Variants in RGPD2 observed in about 807,000 individuals in gnomAD.
The protein encoded by RGPD2 is RANBP2 like and GRIP domain containing 2.
Under a neutral mutation model 36.0 loss-of-function variants are expected in RGPD2, and 2 were observed. That is an observed-to-expected ratio of 0.06 (90% CI 0.02 to 0.17). RGPD2 has a LOEUF of 0.17. RGPD2 is among the 10% of genes least tolerant of loss of function. The pLI is 1.00. For synonymous variants in RGPD2, 19 were observed against 163.8 expected (o/e 0.12, Z 6.75); for missense variants, 40 against 464.3 (o/e 0.09, Z 8.40).
At chr2:87,824,014 TA>T (rs1289197544) in intron 1 of RGPD2, among the ~76,000 whole-genome samples, 1 of 140,776 alleles carries the variant, frequency 7.1e-6, no homozygotes, top group Non-Finnish European at 1.5e-5. Context: ...GAAAGAATTA[TA>T]TATTTTTTTA....
At chr2:87,986,159 A>G in the RGPD2 span, among the ~76,000 whole-genome samples, 111,952 of 124,110 alleles carry the variant, frequency 0.9, 50,906 homozygotes, top group East Asian at 0.99. Flanking sequence ...TTTTTGAGAG[A>G]GTGTCTCGCT....
At chr2:87,915,383 T>TAGTATATA in the RGPD2 span, among the ~76,000 whole-genome samples, 2 of 120,744 alleles carry the variant, frequency 1.7e-5, no homozygotes, top group Non-Finnish European at 3.5e-5. Flanking sequence ...ATTATATATA[T>TAGTATATA]TGTATATATA....
intron 1 of RGPD2, among the ~76,000 whole-genome samples, 179 bp downstream of exon 1, chr2:87,825,476 TCGC>T (rs1298767134): frequency 1.1e-4 from 4 of 37,154 alleles, no homozygotes; most frequent in African/African-American, 1.9e-4. Context: ...GAGGCCGCCG[TCGC>T]CGCCGCCGCC....
the RGPD2 span, among the ~76,000 whole-genome samples, chr2:87,857,499 C>A: frequency 2.6e-5 from 4 of 151,396 alleles, no homozygotes. Context: ...CCCGCCTCCA[C>A]GCCTGGCTAA....
the RGPD2 span, among the ~76,000 whole-genome samples, chr2:87,988,346 A>G: frequency 6.1e-5 from 8 of 131,674 alleles, no homozygotes; most frequent in Non-Finnish European, 1.3e-4. Context: ...TATTCAATTA[A>G]GGCAATTAGG....
At chr2:87,931,018 A>C in the RGPD2 span, among the ~76,000 whole-genome samples, 2 of 60,576 alleles carry the variant, frequency 3.3e-5, no homozygotes, top group African/African-American at 6.8e-5. Context: ...TTTTTCAAAA[A>C]ACAAGCTCCT....
chr2:87,948,349 A>G, the RGPD2 span, among the ~76,000 whole-genome samples: 11 of 151,302 alleles, frequency 7.3e-5, no homozygotes, highest in Non-Finnish European at 1.5e-4. Context: ...ATCGTTATTG[A>G]TATTATTATA....
At chr2:87,921,871 G>A in the RGPD2 span, among the ~76,000 whole-genome samples, 3 of 152,012 alleles carry the variant, frequency 2.0e-5, no homozygotes, top group African/African-American at 7.3e-5. Flanking sequence ...TGGAAGCCTG[G>A]AGGCATTTTC....
chr2:87,840,583 A>G, the RGPD2 span, among the ~76,000 whole-genome samples: 1 of 152,126 alleles, frequency 6.6e-6, no homozygotes, highest in Non-Finnish European at 1.5e-5. Context: ...TGCATGTAGT[A>G]TGATGTCCTT....
chr2:87,971,432 C>CGT, the RGPD2 span, among the ~76,000 whole-genome samples: 1 of 13,906 alleles, frequency 7.2e-5, no homozygotes, highest in Admixed American at 5.0e-4. Context: ...ATGTTATAGA[C>CGT]ATATATATAT....
chr2:87,912,061 GT>G, the RGPD2 span, among the ~76,000 whole-genome samples: 1,186 of 135,730 alleles, frequency 8.7e-3, 6 homozygotes, highest in Middle Eastern at 0.035. Context: ...ATACCAGGTT[GT>G]TTTTTTTTTA....
the RGPD2 span, among the ~76,000 whole-genome samples, chr2:87,962,556 T>G: frequency 1.3e-5 from 2 of 152,048 alleles, no homozygotes; most frequent in African/African-American, 4.8e-5. Context: ...AAATCTAGTT[T>G]GGAGTGGAAA....
chr2:87,918,391 G>A, the RGPD2 span, among the ~76,000 whole-genome samples: 5 of 150,838 alleles, frequency 3.3e-5, no homozygotes, highest in Admixed American at 6.6e-5. Flanking sequence ...AACAAACCAC[G>A]TAGTTTACAC....
intron 1 of RGPD2, among the ~76,000 whole-genome samples, chr2:87,824,309 G>A (rs1431764256): frequency 6.6e-6 from 1 of 151,748 alleles, no homozygotes; most frequent in Non-Finnish European, 1.5e-5. Context: ...CACATGTGAG[G>A]GAGTAGAAAA....
At chr2:87,843,608 TTGG>T in the RGPD2 span, among the ~76,000 whole-genome samples, 1 of 149,338 alleles carries the variant, frequency 6.7e-6, no homozygotes, top group Admixed American at 6.7e-5. Flanking sequence ...TTTTACACTG[TTGG>T]TGGGACTGTA....
At chr2:87,961,183 C>G in the RGPD2 span, among the ~76,000 whole-genome samples, 1 of 152,154 alleles carries the variant, frequency 6.6e-6, no homozygotes, top group African/African-American at 2.4e-5. Context: ...GATAAAAGTG[C>G]ACACAATTAT....
chr2:87,880,836 A>T, the RGPD2 span, among the ~76,000 whole-genome samples: 1 of 93,596 alleles, frequency 1.1e-5, no homozygotes, highest in Non-Finnish European at 2.1e-5. Flanking sequence ...CTAAAGTTTC[A>T]TTTGAGACAA....
the RGPD2 span, among the ~76,000 whole-genome samples, chr2:87,974,983 G>A: frequency 6.6e-6 from 1 of 152,032 alleles, no homozygotes; most frequent in African/African-American, 2.4e-5. Context: ...TCACTCAAGA[G>A]TGAAATCCAA....
the RGPD2 span, among the ~76,000 whole-genome samples, chr2:87,955,236 G>C: frequency 3.2e-3 from 466 of 146,694 alleles, 7 homozygotes; most frequent in African/African-American, 0.011. Flanking sequence ...GGATGGTCTC[G>C]ATCTCCTGAC....
Sources: allele counts gnomAD v4.1 joint callset (sites outside exome capture counted in the v4.1 genomes callset), GRCh38; gene constraint gnomAD v4.1.1; transcripts MANE v1.5; gene names NCBI Gene and HGNC (gene_info 2026-07-23, HGNC 2026-07-21).